The following GPM6B variants were observed in gnomAD, a reference collection of about 807,000 sequenced individuals.
The protein encoded by GPM6B is glycoprotein M6B.
Under a neutral mutation model 27.2 loss-of-function variants are expected in GPM6B, and 4 were observed. The observed-to-expected ratio is 0.15, with a 90% confidence interval of 0.07 to 0.34. GPM6B has a LOEUF of 0.34. Among genes scored for constraint, GPM6B ranks in the 10% least tolerant of loss-of-function variants. The pLI is 1.00. For missense variants in GPM6B, 183 were observed against 261.9 expected (o/e 0.70, Z 2.08); for synonymous variants, 124 against 103.1 (o/e 1.20, Z -1.23).
chrX:13,896,692 C>A (rs2050236013), intron 1 of GPM6B, among the ~76,000 whole-genome samples: 1 of 110,474 alleles, frequency 9.1e-6, no homozygotes, highest in African/African-American at 3.3e-5. Context: ...CTCAGCCTCC[C>A]AAGTAGCTGA....
intron 1 of GPM6B, among the ~76,000 whole-genome samples, chrX:13,902,390 A>G (rs2050290098): frequency 9.0e-6 from 1 of 110,946 alleles, no homozygotes; most frequent in Non-Finnish European, 1.9e-5. Context: ...TCTAAGCTAG[A>G]CATAGCATGT....
intron 1 of GPM6B, among the ~76,000 whole-genome samples, chrX:13,875,061 G>C (rs1470091223): frequency 9.1e-6 from 1 of 109,295 alleles, no homozygotes; most frequent in African/African-American, 3.3e-5. Flanking sequence ...ACCTTGATGA[G>C]CAATAAAATC....
intron 1 of GPM6B, among the ~76,000 whole-genome samples, chrX:13,934,673 G>C (rs1380861342): frequency 9.0e-6 from 1 of 111,714 alleles, no homozygotes; most frequent in Admixed American, 9.5e-5. Context: ...AGACCATCAG[G>C]GAGCTGTTTT....
At chrX:13,818,374 T>C (rs1401181159), upstream of GPM6B, among the ~76,000 whole-genome samples, 1 of 111,933 alleles carries the variant, frequency 8.9e-6, no homozygotes, top group Admixed American at 9.5e-5. Context: ...TAAGTTTTGA[T>C]GGTTTCTTGC....
At chrX:13,894,725 C>T (rs1218182900) in intron 1 of GPM6B, among the ~76,000 whole-genome samples, 2 of 112,368 alleles carry the variant, frequency 1.8e-5, no homozygotes, top group South Asian at 3.7e-4. Flanking sequence ...TTAAAAATAA[C>T]GTTGGGTTCT....
chrX:13,904,157 T>A (rs1256350343), intron 1 of GPM6B, among the ~76,000 whole-genome samples: 1 of 111,924 alleles, frequency 8.9e-6, no homozygotes, highest in Admixed American at 9.5e-5. Context: ...ACATAATATA[T>A]AATAAATATA....
intron 2 of GPM6B, among the ~76,000 whole-genome samples, chrX:13,802,317 T>C (rs1001008388): frequency 1.3e-4 from 14 of 110,838 alleles, no homozygotes; most frequent in African/African-American, 4.6e-4. Context: ...CACTCAATAC[T>C]CATCGATCTG....
At chrX:13,792,027 G>A (rs769507931) in intron 2 of GPM6B, among the ~76,000 whole-genome samples, 2 of 111,482 alleles carry the variant, frequency 1.8e-5, no homozygotes, top group Non-Finnish European at 3.8e-5. Flanking sequence ...AAAGATGCAG[G>A]AACCAAGCTT....
chrX:13,829,652 C>T lies in GPM6B; in HGVS notation c.-197-43844G>A, dbSNP rs767065612. Among the ~76,000 whole-genome samples, 6 of 111,016 alleles carry T rather than the reference C, an allele frequency of 5.4e-5. No homozygotes were observed. The South Asian group carries it at 1.6e-3, about 29-fold the overall frequency. On this transcript the variant is annotated intron_variant, in intron 1 of 6. Transcript: ENST00000398361. The stretch of plus-strand genomic sequence containing the variant: ...CTCTGTCCTCAAATTGTAGCATGGT[C>T]CTCCCTGAGGAGGTCCAATTTGGAT...
chrX:13,788,391 G>T (rs1213853466), intron 2 of GPM6B, among the ~76,000 whole-genome samples: 2 of 108,929 alleles, frequency 1.8e-5, no homozygotes, highest in Admixed American at 2.0e-4. Context: ...GAAAGAGAGT[G>T]GAGAGAAGGG....
intron 2 of GPM6B, among the ~76,000 whole-genome samples, 181 bp downstream of exon 2, chrX:13,807,469 G>A (rs1386165798): frequency 8.9e-6 from 1 of 112,180 alleles, no homozygotes; most frequent in Admixed American, 9.4e-5. Flanking sequence ...GAATGGAGAG[G>A]GAGAGAGAAA....
chrX:13,798,037 C>G (rs1270178101), intron 2 of GPM6B, among the ~76,000 whole-genome samples: 1 of 110,200 alleles, frequency 9.1e-6, no homozygotes, highest in Non-Finnish European at 1.9e-5. Flanking sequence ...CATTGCCATG[C>G]TGCTCATGGT....
intron 1 of GPM6B, among the ~76,000 whole-genome samples, chrX:13,836,150 A>G (rs2049492330): frequency 8.9e-6 from 1 of 112,162 alleles, no homozygotes; most frequent in South Asian, 3.7e-4. Flanking sequence ...TACAACCAGT[A>G]GCAGTTTGCA....
chrX:13,921,573 C>A (rs995294039), intron 1 of GPM6B, among the ~76,000 whole-genome samples: 10 of 55,970 alleles, frequency 1.8e-4, no homozygotes, highest in African/African-American at 4.8e-4. Context: ...ACATTTATAA[C>A]CCCCCCCCTT....
chrX:13,867,616 T>A (rs182461961), intron 1 of GPM6B, among the ~76,000 whole-genome samples: 1 of 111,809 alleles, frequency 8.9e-6, no homozygotes, highest in East Asian at 2.8e-4. Context: ...GTTATACACA[T>A]CTTCGTGACC....
chrX:13,823,808 G>A (rs1051567647), intron 1 of GPM6B, among the ~76,000 whole-genome samples: 7 of 112,101 alleles, frequency 6.2e-5, no homozygotes, highest in Admixed American at 1.9e-4. Context: ...ATGAGCCACC[G>A]CACCCAGCTT....
chrX:13,873,909 G>T (rs938338489), intron 1 of GPM6B, among the ~76,000 whole-genome samples: 2 of 111,633 alleles, frequency 1.8e-5, no homozygotes, highest in African/African-American at 6.5e-5. Context: ...TCATTAAGCT[G>T]TACTTTGTCT....
intron 1 of GPM6B, among the ~76,000 whole-genome samples, chrX:13,874,565 C>T (rs2050013952): frequency 1.0e-5 from 1 of 98,233 alleles, no homozygotes; most frequent in South Asian, 4.7e-4. Context: ...AAAAAATTAG[C>T]TGGGCATGGT....
intron 1 of GPM6B, among the ~76,000 whole-genome samples, chrX:13,868,376 T>C (rs2147261002): frequency 8.9e-6 from 1 of 112,203 alleles, no homozygotes; most frequent in South Asian, 3.7e-4. Flanking sequence ...TTCTGGATTT[T>C]GAAGGACATC....
Sources: gnomAD v4.1 joint callset for allele counts (sites outside exome capture counted in the v4.1 genomes callset) on GRCh38, gnomAD v4.1.1 for gene constraint, MANE v1.5 for transcripts, NCBI Gene and HGNC (gene_info 2026-07-23, HGNC 2026-07-21) for gene names.